PIK3C3: variants seen among roughly 807,000 people sequenced by gnomAD.
PIK3C3 encodes phosphatidylinositol 3-kinase catalytic subunit type 3.
A neutral mutation model predicts 126.1 loss-of-function variants in PIK3C3; 95 were observed. The observed-to-expected ratio is 0.75, with a 90% CI of 0.64 to 0.89. The LOEUF (loss-of-function observed/expected upper bound fraction) is 0.89. PIK3C3 is among the 40% of genes least tolerant of loss of function. The pLI, the probability that PIK3C3 is intolerant of heterozygous loss-of-function variation, is 0.00. For missense variants in PIK3C3, 829 were observed against 1,063.2 expected (o/e 0.78, Z 3.06); for synonymous variants, 374 against 360.0 (o/e 1.04, Z -0.44).
intron 21 of PIK3C3, among the ~76,000 whole-genome samples, chr18:42,054,334 G>T (rs760165777): frequency 4.6e-5 from 7 of 150,890 alleles, no homozygotes; most frequent in Non-Finnish European, 7.4e-5. Context: ...GAAACATTCA[G>T]CACGAGAGAA....
At chr18:42,045,411 T>A (rs1034273222) in intron 20 of PIK3C3, among the ~76,000 whole-genome samples, 1 of 152,128 alleles carries the variant, frequency 6.6e-6, no homozygotes, top group African/African-American at 2.4e-5. Flanking sequence ...TGAAAAAAAA[T>A]TGCATATCAT....
intron 4 of PIK3C3, among the ~76,000 whole-genome samples, chr18:41,984,638 C>T (rs1419421159): frequency 6.6e-6 from 1 of 152,098 alleles, no homozygotes; most frequent in African/African-American, 2.4e-5. Context: ...ATTGTGATAG[C>T]TAGTTCTAGA....
At chr18:42,080,212 T>C (rs1421634212) in intron 24 of PIK3C3, among the ~76,000 whole-genome samples, 2 of 152,306 alleles carry the variant, frequency 1.3e-5, no homozygotes, top group African/African-American at 2.4e-5. Context: ...AGTAAAAATA[T>C]TTAAATTGCT....
At chr18:42,036,364 A>G (rs568876345) in intron 16 of PIK3C3, among the ~76,000 whole-genome samples, 116 of 151,828 alleles carry the variant, frequency 7.6e-4, no homozygotes, top group African/African-American at 2.7e-3. Context: ...TCATCCATCT[A>G]TATGATGTTT....
intron 1 of PIK3C3, among the ~76,000 whole-genome samples, chr18:41,956,233 T>A (rs1979765107): frequency 6.6e-6 from 1 of 152,226 alleles, no homozygotes; most frequent in African/African-American, 2.4e-5. Flanking sequence ...ATTTTCTCAG[T>A]TGTCTGATGT....
chr18:42,067,430 G>A lies in PIK3C3; in HGVS notation c.2566G>A (p.Val856Met), dbSNP rs775947426. 1 of 1,612,870 alleles carries A rather than the reference G, an allele frequency of 6.2e-7. No individual in the cohort carries two copies. The highest frequency in any genetic ancestry group is 8.5e-7 in the Non-Finnish European group (1 of 1,178,812). Residue 856 changes from valine to methionine, a missense_variant, in exon 24 of 25, where the codon GTG (valine) becomes ATG (methionine). This residue lies in a region of PIK3C3 where 196 missense variants were observed against 312.8 expected (regional missense o/e 0.63). Transcript: ENST00000262039. ...CTTAGACCTGTCGGATGAAGAGGCT[G>A]TGCATTACATGCAGAGTCTGATTGA... ...FRLDLSDEEA[V>M]HYMQSLIDES...
intron 24 of PIK3C3, chr18:42,070,663 T>C (rs965059289): frequency 2.0e-5 from 3 of 152,178 alleles, no homozygotes; most frequent in Non-Finnish European, 4.4e-5. Flanking sequence ...TTAAAACATC[T>C]GTTTTTGATA....
intron 16 of PIK3C3, among the ~76,000 whole-genome samples, chr18:42,036,973 T>C (rs1366679470): frequency 6.6e-6 from 1 of 152,234 alleles, no homozygotes; most frequent in Non-Finnish European, 1.5e-5. Flanking sequence ...ACAAAATTAC[T>C]AAAAATATTG....
chr18:41,957,461 TGCATATATGTACATGCTTAAA>T (rs781576437), intron 1 of PIK3C3, 88 bp from the exon 2 acceptor site: 125 of 1,017,136 alleles, frequency 1.2e-4, no homozygotes, highest in African/African-American at 3.6e-4. Flanking sequence ...TTAGTACTTA[TGCATATATGTACATGCTTAAA>T]GCATATATGT....
intron 21 of PIK3C3, 107 bp downstream of exon 21, chr18:42,049,712 G>T: frequency 2.3e-6 from 2 of 861,030 alleles, no homozygotes; most frequent in Admixed American, 2.0e-5. Flanking sequence ...GGTGGCTCAC[G>T]CCCGTAATCC....
chr18:42,082,717 T>G lies in PIK3C3; in HGVS notation c.*1580T>G, dbSNP rs964068929. 5.9e-5 allele frequency: 9 copies of G among 152,182 alleles called. No homozygotes were observed. Among genetic ancestry groups the G allele is most frequent in the African/African-American group, 2.2e-4 (9 of 41,448 alleles). 9.4% of individuals were successfully genotyped at this position (152,182 alleles called of 1,614,324 possible). A position where few individuals can be genotyped will look rare whatever the true frequency, so the allele number is the denominator to read the frequency against. ...GAACTCCTACACTTGCATCTCCTATTTCAGGATTTGGCATACTTTTTCTTT... is the reference window on the plus strand; with the variant it reads ...GAACTCCTACACTTGCATCTCCTATGTCAGGATTTGGCATACTTTTTCTTT... On this transcript the variant is annotated 3_prime_UTR_variant, in exon 25 of 25. Transcript: ENST00000262039.
intron 24 of PIK3C3, among the ~76,000 whole-genome samples, chr18:42,072,310 A>C (rs952309876): frequency 8.5e-5 from 13 of 152,220 alleles, no homozygotes; most frequent in African/African-American, 3.1e-4. Context: ...TAAAAGAAAC[A>C]ACATTCAAAA....
At chr18:41,985,498 TCAA>T (rs1981426070) in intron 4 of PIK3C3, among the ~76,000 whole-genome samples, 1 of 152,162 alleles carries the variant, frequency 6.6e-6, no homozygotes, top group African/African-American at 2.4e-5. Context: ...GGTTTTGCAC[TCAA>T]CAATATCTTT....
chr18:41,957,515 T>C, intron 1 of PIK3C3, 55 bp from the exon 2 acceptor site: 4 of 1,538,462 alleles, frequency 2.6e-6, no homozygotes, highest in Admixed American at 3.9e-5. Context: ...CTTATGTATA[T>C]ATGTACATGC....
intron 18 of PIK3C3, 124 bp downstream of exon 18, chr18:42,038,974 G>A: frequency 1.6e-6 from 1 of 615,298 alleles, no homozygotes; most frequent in South Asian, 2.1e-5. Flanking sequence ...AAGACAAGTT[G>A]GACCTTCCTG....
chr18:41,960,960 T>C (rs1329383524), intron 2 of PIK3C3, among the ~76,000 whole-genome samples: 1 of 152,118 alleles, frequency 6.6e-6, no homozygotes, highest in African/African-American at 2.4e-5. Flanking sequence ...GAAGCTCATC[T>C]TGAACTCCTG....
intron 3 of PIK3C3, among the ~76,000 whole-genome samples, chr18:41,963,615 T>C (rs1454041157): frequency 6.6e-6 from 1 of 152,186 alleles, no homozygotes; most frequent in African/African-American, 2.4e-5. Flanking sequence ...TGTGAAATGC[T>C]ATAGATCTGT....
intron 10 of PIK3C3, among the ~76,000 whole-genome samples, chr18:42,010,283 A>G (rs1982761377): frequency 6.6e-6 from 1 of 152,184 alleles, no homozygotes; most frequent in African/African-American, 2.4e-5. Context: ...GATTGCAGCA[A>G]TTCAGTCACA....
At chr18:42,036,662 AC>A (rs1258462832) in intron 16 of PIK3C3, among the ~76,000 whole-genome samples, 1 of 151,898 alleles carries the variant, frequency 6.6e-6, no homozygotes, top group East Asian at 1.9e-4. Context: ...TTAAACATAT[AC>A]CTAAACTAAT....
Sources: gnomAD v4.1 joint callset for allele counts (sites outside exome capture counted in the v4.1 genomes callset) on GRCh38, gnomAD v4.1.1 for gene constraint, gnomAD v4.1.1 regional missense constraint, MANE v1.5 for transcripts, NCBI Gene and HGNC (gene_info 2026-07-23, HGNC 2026-07-21) for gene names.